Variants in BICDL1 observed in about 807,000 individuals in gnomAD.
BICDL1 encodes BICD family-like cargo adapter 1.
A neutral mutation model predicts 76.8 loss-of-function variants in BICDL1; 20 were observed. The ratio of observed to expected loss-of-function variants is 0.26; its 90% CI spans 0.18 to 0.38. The LOEUF (loss-of-function observed/expected upper bound fraction) is 0.38, where lower values mean the gene tolerates loss of function less well. Among genes scored for constraint, BICDL1 ranks in the 10% least tolerant of loss-of-function variants. BICDL1 has a pLI of 1.00. For synonymous variants in BICDL1, 383 were observed against 337.1 expected, an observed-to-expected ratio of 1.14 and a Z score of -1.49; for missense variants, 700 against 798.6, an observed-to-expected ratio of 0.88 and a Z score of 1.49.
chr12:120,019,486 G>A (rs1952136083), intron 2 of BICDL1, among the ~76,000 whole-genome samples: 1 of 152,162 alleles, frequency 6.6e-6, no homozygotes, highest in Admixed American at 6.6e-5. Context: ...TATAAAGTTT[G>A]ATGATTCAGA....
chr12:120,021,135 T>G (rs1038148976), intron 2 of BICDL1, among the ~76,000 whole-genome samples: 1 of 151,594 alleles, frequency 6.6e-6, no homozygotes, highest in Non-Finnish European at 1.5e-5. Flanking sequence ...ATACAAAAAA[T>G]TAGCCAGGTG....
intron 2 of BICDL1, chr12:119,999,767 A>G: frequency 2.3e-6 from 1 of 444,134 alleles, no homozygotes; most frequent in Admixed American, 2.6e-5. Flanking sequence ...TTAGAAAATT[A>G]AGACTTGGAT....
chr12:120,035,235 C>T, intron 2 of BICDL1, among the ~76,000 whole-genome samples: 1 of 152,108 alleles, frequency 6.6e-6, no homozygotes, highest in East Asian at 1.9e-4. Flanking sequence ...ACTCGGGAGG[C>T]TGAGGCAGGA....
chr12:120,074,387 C>G lies in BICDL1; in HGVS notation c.1309-56C>G, dbSNP rs554525885. ...CGACTAACCATCTCTCTCCCCCTTC[C>G]CTATCTCTCCTGTACCCTTACCATA... On this transcript the variant is annotated intron_variant, in intron 6 of 9. Transcript: ENST00000548673. 1.7e-4 allele frequency: 177 copies of G among 1,021,418 alleles called. No individual in the cohort carries two copies. In the South Asian group the frequency reaches 2.7e-3, roughly 15 times the overall value. 63.3% of individuals were successfully genotyped at this position (1,021,418 alleles called of 1,614,324 possible). A position where few individuals can be genotyped will look rare whatever the true frequency, so the allele number is the denominator to read the frequency against.
rs760215579 is a variant in BICDL1, at chr12:120,094,293, G to A, written c.*1132G>A. 1.1e-5 allele frequency: 5 copies of A among 456,696 alleles called. No homozygotes were observed. The highest frequency in any genetic ancestry group is 2.2e-5 in the Non-Finnish European group (5 of 226,996). 28.3% of individuals were successfully genotyped at this position (456,696 alleles called of 1,614,324 possible). A position where few individuals can be genotyped will look rare whatever the true frequency, so the allele number is the denominator to read the frequency against. On this transcript the variant is annotated 3_prime_UTR_variant, in exon 10 of 10. Coordinates refer to ENST00000548673, the MANE Select transcript of BICDL1 (RefSeq NM_001367886.1). ...CCCTCCCTCACGTGGGGAAAGCACA[G>A]CAGGGATGCGCGGCAAGAATGTACC...
intron 2 of BICDL1, among the ~76,000 whole-genome samples, chr12:120,039,735 G>A (rs536412196): frequency 1.3e-5 from 2 of 151,620 alleles, no homozygotes; most frequent in African/African-American, 2.4e-5. Context: ...GTATTATAAC[G>A]ATAAGGAATG....
chr12:120,005,623 C>A (rs1185636277), intron 2 of BICDL1, among the ~76,000 whole-genome samples: 1 of 152,180 alleles, frequency 6.6e-6, no homozygotes, highest in Non-Finnish European at 1.5e-5. Flanking sequence ...TCCACCTCGG[C>A]CTCCCAAAGT....
At chr12:120,072,134 C>T (rs1197645285) in intron 5 of BICDL1, among the ~76,000 whole-genome samples, 1 of 152,198 alleles carries the variant, frequency 6.6e-6, no homozygotes, top group Non-Finnish European at 1.5e-5. Flanking sequence ...GACAGAGTTC[C>T]AGAGCAGTCA....
At position 119,989,756 on chromosome 12, in the gene BICDL1, C is replaced by A; in HGVS notation, c.-113C>A. Reference sequence around the variant, plus strand: ...GCTCGCGGGGACCCGGGGGCGCGTGCCGCGGCGCGAGGCGAGGCGCGGGAC... The same window carrying A: ...GCTCGCGGGGACCCGGGGGCGCGTGACGCGGCGCGAGGCGAGGCGCGGGAC... On this transcript the variant is annotated 5_prime_UTR_variant, in exon 1 of 10. Coordinates refer to ENST00000548673, the MANE Select transcript of BICDL1 (RefSeq NM_001367886.1). The A allele has an allele frequency of 3.0e-6, 1 of 331,946 alleles. No homozygotes were observed. Among genetic ancestry groups the A allele is most frequent in the Non-Finnish European group, 4.2e-6 (1 of 236,612 alleles). The allele number at this position is 331,946 out of a possible 1,614,324, so 20.6% of individuals were successfully genotyped here.
At chr12:119,998,872 CAGGG>C (rs1484130088) in intron 2 of BICDL1, 136 bp downstream of exon 2, 2 of 751,170 alleles carry the variant, frequency 2.7e-6, no homozygotes, top group Non-Finnish European at 4.2e-6. Context: ...CTGGGCAACA[CAGGG>C]AGACCTCATC....
chr12:120,048,757 C>T (rs763765995), intron 2 of BICDL1, among the ~76,000 whole-genome samples: 102 of 152,308 alleles, frequency 6.7e-4, no homozygotes, highest in Non-Finnish European at 1.3e-3. Flanking sequence ...TCTGCCTTCT[C>T]TGTTTCATCC....
intron 2 of BICDL1, among the ~76,000 whole-genome samples, chr12:120,042,127 C>G (rs939126290): frequency 6.6e-6 from 1 of 151,678 alleles, no homozygotes; most frequent in African/African-American, 2.4e-5. Context: ...AGAGTGGAGG[C>G]GGGAAGAAGT....
At chr12:120,091,087 C>T (rs919794187) in intron 9 of BICDL1, 5 of 1,282,462 alleles carry the variant, frequency 3.9e-6, no homozygotes, top group African/African-American at 1.5e-5. Context: ...CGCCGCCTCC[C>T]CTCATGGCCC....
chr12:120,087,784 T>C (rs754242982), intron 8 of BICDL1, among the ~76,000 whole-genome samples: 15 of 152,188 alleles, frequency 9.9e-5, no homozygotes, highest in Non-Finnish European at 2.2e-4. Flanking sequence ...TTTAGGAATG[T>C]TGGGAAAGGT....
At chr12:120,027,592 C>G (rs930567895) in intron 2 of BICDL1, among the ~76,000 whole-genome samples, 1 of 152,136 alleles carries the variant, frequency 6.6e-6, no homozygotes, top group Non-Finnish European at 1.5e-5. Flanking sequence ...CCGGGTCCTG[C>G]GCAAACTCAT....
intron 2 of BICDL1, among the ~76,000 whole-genome samples, chr12:120,034,902 T>C (rs913995509): frequency 1.3e-5 from 2 of 152,254 alleles, no homozygotes; most frequent in African/African-American, 4.8e-5. Flanking sequence ...ATGTAACCTT[T>C]ACATTTTTAT....
chr12:120,062,653 G>C (rs548588989), intron 3 of BICDL1, among the ~76,000 whole-genome samples: 1 of 152,146 alleles, frequency 6.6e-6, no homozygotes. Context: ...AATGACCTGA[G>C]GATGTTTTTC....
At chr12:120,038,883 C>T (rs1013992836) in intron 2 of BICDL1, among the ~76,000 whole-genome samples, 1 of 152,106 alleles carries the variant, frequency 6.6e-6, no homozygotes, top group African/African-American at 2.4e-5. Context: ...GGCACGGGTG[C>T]CTGGTTCAGG....
intron 3 of BICDL1, among the ~76,000 whole-genome samples, chr12:120,063,067 T>C (rs1240965886): frequency 1.3e-5 from 2 of 152,218 alleles, no homozygotes; most frequent in African/African-American, 2.4e-5. Context: ...TGAAATTGTT[T>C]GTTTCAAGTA....
Sources: allele counts gnomAD v4.1 joint callset (sites outside exome capture counted in the v4.1 genomes callset), GRCh38; gene constraint gnomAD v4.1.1; transcripts MANE v1.5; gene names NCBI Gene and HGNC (gene_info 2026-07-23, HGNC 2026-07-21).